CHP1: variants seen among roughly 807,000 people sequenced by gnomAD.
CHP1 encodes the protein calcineurin B homologous protein 1.
A neutral mutation model predicts 27.4 loss-of-function variants in CHP1; 11 were observed. The ratio of observed to expected loss-of-function variants is 0.40; its 90% CI spans 0.25 to 0.67. CHP1 has a LOEUF of 0.67. CHP1 is among the 30% of genes least tolerant of loss of function. The probability of loss-of-function intolerance (pLI) is 0.38; values close to 1 mark genes in which losing one functional copy is unlikely to be tolerated. For missense variants in CHP1, 169 were observed against 251.3 expected (o/e 0.67, Z 2.22); for synonymous variants, 89 against 87.4 (o/e 1.02, Z -0.10).
intron 5 of CHP1, among the ~76,000 whole-genome samples, chr15:41,275,979 G>T (rs959443074): frequency 3.3e-5 from 5 of 152,110 alleles, no homozygotes; most frequent in Non-Finnish European, 1.5e-5. Context: ...AGTGGCTCAC[G>T]CCTGTAATCC....
At chr15:41,261,949 G>A (rs1447475816) in intron 3 of CHP1, among the ~76,000 whole-genome samples, 5 of 148,230 alleles carry the variant, frequency 3.4e-5, no homozygotes, top group South Asian at 2.1e-4. Flanking sequence ...CTGAGATCGC[G>A]CCATTGCATT....
At chr15:41,279,029 G>T in intron 6 of CHP1, 140 bp downstream of exon 6, 1 of 1,065,778 alleles carries the variant, frequency 9.4e-7, no homozygotes, top group Admixed American at 2.5e-5. Context: ...TGGCTAACAT[G>T]GTGAAACCTC....
chr15:41,260,376 A>G (rs1368889353), intron 3 of CHP1, among the ~76,000 whole-genome samples: 1 of 150,082 alleles, frequency 6.7e-6, no homozygotes, highest in Non-Finnish European at 1.5e-5. Context: ...GGCTTTATAC[A>G]CAAGAGGTCT....
intron 3 of CHP1, among the ~76,000 whole-genome samples, chr15:41,257,748 CAG>C (rs2047408002): frequency 6.6e-6 from 1 of 151,862 alleles, no homozygotes; most frequent in East Asian, 1.9e-4. Context: ...TTAGTAGAGA[CAG>C]GGTTTCACCA....
chr15:41,231,675 T>C lies in CHP1; in HGVS notation c.67+226T>C, dbSNP rs144407296. On this transcript the variant is annotated intron_variant, in intron 1 of 6. Transcript: ENST00000334660. The stretch of plus-strand genomic sequence containing the variant: ...GTCCTTCCCTTCAAAATCGGGACTC[T>C]TGATCACTCGTAGAGCGTCGACGCC... 7.0e-4 allele frequency among the ~76,000 whole-genome samples: 106 copies of C among 152,124 alleles called. 3 individuals carry two copies. Among genetic ancestry groups the C allele is most frequent in the Middle Eastern group, 3.4e-3 (1 of 294 alleles).
chr15:41,278,848 C>A lies in CHP1; in HGVS notation c.493C>A (p.Gln165Lys), dbSNP rs763541989. ...AGACAGGACCATTCAGGAGGCTGATCAGGATGGGGACAGTGCCATATCTTT... is the reference window on the plus strand; with the variant it reads ...AGACAGGACCATTCAGGAGGCTGATAAGGATGGGGACAGTGCCATATCTTT... ...IADRTIQEAD[Q>K]DGDSAISFTE... is the part of the protein sequence containing the mutation. Residue 165 changes from glutamine (Q) to lysine (K), a missense_variant, in exon 6 of 7, where the codon CAG (glutamine) becomes AAG (lysine). Gln to Lys is a moderately conservative substitution (Grantham distance 53, BLOSUM62 1). Coordinates refer to ENST00000334660, the MANE Select transcript of CHP1 (RefSeq NM_007236.5). 2.5e-5 allele frequency: 40 copies of A among 1,614,048 alleles called. No individual in the cohort carries two copies. The highest frequency in any genetic ancestry group is 2.9e-5 in the Non-Finnish European group (34 of 1,180,038).
At chr15:41,260,394 CTTTT>C (rs34417644) in intron 3 of CHP1, among the ~76,000 whole-genome samples, 4 of 124,558 alleles carry the variant, frequency 3.2e-5, no homozygotes, top group Admixed American at 7.9e-5. Flanking sequence ...TCTTTCAAAA[CTTTT>C]TTTTTTTTTT....
At chr15:41,263,626 G>A (rs1418035738) in intron 4 of CHP1, among the ~76,000 whole-genome samples, 2 of 152,194 alleles carry the variant, frequency 1.3e-5, no homozygotes, top group African/African-American at 4.8e-5. Context: ...TGTAATCCCA[G>A]CACTTTGGGA....
intron 1 of CHP1, among the ~76,000 whole-genome samples, chr15:41,232,043 G>GA (rs1330508468): frequency 2.6e-5 from 4 of 151,894 alleles, no homozygotes; most frequent in Admixed American, 1.3e-4. Flanking sequence ...AACTTCTAGA[G>GA]AAAAAACACG....
intron 1 of CHP1, among the ~76,000 whole-genome samples, chr15:41,238,251 G>A (rs2047287782): frequency 6.6e-6 from 1 of 151,554 alleles, no homozygotes; most frequent in Admixed American, 6.6e-5. Context: ...TTGAACTCCT[G>A]GGCTGAAACA....
intron 1 of CHP1, among the ~76,000 whole-genome samples, chr15:41,234,760 G>A (rs1263311866): frequency 6.6e-6 from 1 of 152,162 alleles, no homozygotes; most frequent in African/African-American, 2.4e-5. Flanking sequence ...TTAGAATAGT[G>A]TCTGGTATAA....
intron 1 of CHP1, among the ~76,000 whole-genome samples, chr15:41,241,980 C>T (rs1025587884): frequency 6.6e-6 from 1 of 152,178 alleles, no homozygotes; most frequent in African/African-American, 2.4e-5. Context: ...TCTCTTACTT[C>T]CAATCTATCA....
At chr15:41,256,306 G>A (rs2047400438) in intron 2 of CHP1, among the ~76,000 whole-genome samples, 1 of 152,184 alleles carries the variant, frequency 6.6e-6, no homozygotes, top group Non-Finnish European at 1.5e-5. Context: ...AGTCATGTGA[G>A]GATGACTGCT....
chr15:41,250,413 C>A (rs1044223143), intron 2 of CHP1, among the ~76,000 whole-genome samples: 4 of 151,866 alleles, frequency 2.6e-5, no homozygotes, highest in Non-Finnish European at 4.4e-5. Context: ...TCTAAAAAGG[C>A]AGCTTAGGCC....
intron 2 of CHP1, among the ~76,000 whole-genome samples, chr15:41,248,820 C>G (rs938549730): frequency 1.3e-5 from 2 of 152,162 alleles, no homozygotes; most frequent in Non-Finnish European, 2.9e-5. Context: ...CCAATTGTAC[C>G]ACATAATGTG....
intron 2 of CHP1, among the ~76,000 whole-genome samples, chr15:41,247,342 C>T (rs757577315): frequency 6.0e-5 from 9 of 150,268 alleles, no homozygotes; most frequent in Non-Finnish European, 1.0e-4. Flanking sequence ...GCCCTGCACC[C>T]TGGGCAACAC....
chr15:41,274,368 G>A (rs1057180586), intron 5 of CHP1, among the ~76,000 whole-genome samples: 3 of 152,328 alleles, frequency 2.0e-5, no homozygotes, highest in Admixed American at 1.3e-4. Context: ...CCTGGGACCT[G>A]AGTCAAGCCA....
intron 2 of CHP1, among the ~76,000 whole-genome samples, chr15:41,246,565 G>A (rs926565206): frequency 1.4e-5 from 2 of 147,186 alleles, no homozygotes; most frequent in African/African-American, 2.5e-5. Context: ...TGATCCACCC[G>A]CCTTGGCCTC....
intron 2 of CHP1, among the ~76,000 whole-genome samples, chr15:41,250,305 G>A (rs774195279): frequency 3.3e-5 from 5 of 152,008 alleles, no homozygotes; most frequent in Non-Finnish European, 2.9e-5. Context: ...GATATTTCAC[G>A]GAATATAAAT....
Sources: gnomAD v4.1 joint callset for allele counts (sites outside exome capture counted in the v4.1 genomes callset) on GRCh38, gnomAD v4.1.1 for gene constraint, MANE v1.5 for transcripts, NCBI Gene and HGNC (gene_info 2026-07-23, HGNC 2026-07-21) for gene names.